Variants in HTR1F observed in about 807,000 individuals in gnomAD.
The protein encoded by HTR1F is 5-hydroxytryptamine (serotonin) receptor 1F, G protein-coupled.
HTR1F carries 17 observed loss-of-function variants against 24.0 expected under a neutral mutation model. That is an observed-to-expected ratio of 0.71 (90% CI 0.48 to 1.06). HTR1F has a LOEUF of 1.06. HTR1F is among the 50% of genes least tolerant of loss of function. The probability of loss-of-function intolerance (pLI) is 0.00; values close to 1 mark genes in which losing one functional copy is unlikely to be tolerated. For synonymous variants in HTR1F, 186 were observed against 156.8 expected, an observed-to-expected ratio of 1.19 and a Z score of -1.39; for missense variants, 391 against 427.8, an observed-to-expected ratio of 0.91 and a Z score of 0.76.
chr3:87,980,499 G>C (rs182188290), intron 2 of HTR1F, among the ~76,000 whole-genome samples: 1 of 152,300 alleles, frequency 6.6e-6, no homozygotes, highest in East Asian at 1.9e-4. Context: ...CCATGGGTGG[G>C]CCTGGAAAAA....
chr3:87,930,900 T>A (rs750559600), intron 2 of HTR1F, among the ~76,000 whole-genome samples: 1 of 152,138 alleles, frequency 6.6e-6, no homozygotes, highest in Non-Finnish European at 1.5e-5. Flanking sequence ...AACAGAATTA[T>A]ATTACACACT....
chr3:87,829,014 T>A lies in HTR1F; in HGVS notation c.-43+6890T>A, dbSNP rs188357542. ...ATTTCTAGGGTGGACAAGTAATTTT[T>A]AAAAATTTATTGTGGCAAAGTCAGC... On this transcript the variant is annotated intron_variant, in intron 2 of 2. Coordinates refer to ENST00000319595, the MANE Select transcript of HTR1F (RefSeq NM_001322209.2). 1.3e-3 allele frequency among the ~76,000 whole-genome samples: 194 copies of A among 149,680 alleles called. 1 individual carries two copies. The highest frequency in any genetic ancestry group is 8.2e-3 in the East Asian group (42 of 5,104).
chr3:87,911,153 A>C (rs1487560445), intron 2 of HTR1F, among the ~76,000 whole-genome samples: 1 of 152,054 alleles, frequency 6.6e-6, no homozygotes, highest in Non-Finnish European at 1.5e-5. Context: ...GACACAAAAA[A>C]ACACTCGAAA....
chr3:87,922,677 T>C (rs1056205378), intron 2 of HTR1F, among the ~76,000 whole-genome samples: 5 of 151,972 alleles, frequency 3.3e-5, no homozygotes, highest in South Asian at 2.1e-4. Flanking sequence ...AAGTCTTCAA[T>C]GCATTTTGAG....
intron 2 of HTR1F, among the ~76,000 whole-genome samples, chr3:87,846,762 A>C (rs904898693): frequency 2.0e-5 from 3 of 151,962 alleles, no homozygotes; most frequent in Admixed American, 6.6e-5. Context: ...GTTTAAGTAC[A>C]AATTCTTTAA....
intron 2 of HTR1F, among the ~76,000 whole-genome samples, chr3:87,890,454 A>G (rs575451537): frequency 1.3e-5 from 2 of 152,314 alleles, no homozygotes; most frequent in African/African-American, 4.8e-5. Context: ...TTGCAAAACA[A>G]GAAACAAATA....
chr3:87,860,697 T>A (rs901735230), intron 2 of HTR1F, among the ~76,000 whole-genome samples: 2 of 152,200 alleles, frequency 1.3e-5, no homozygotes, highest in African/African-American at 2.4e-5. Flanking sequence ...TGAATTCATC[T>A]CAGTCATAGT....
intron 2 of HTR1F, among the ~76,000 whole-genome samples, chr3:87,924,975 T>A (rs575547589): frequency 6.6e-6 from 1 of 150,658 alleles, no homozygotes; most frequent in African/African-American, 2.4e-5. Flanking sequence ...CTTTCTTAAA[T>A]TTTTTTTTTA....
chr3:87,832,636 C>T (rs1458448212), intron 2 of HTR1F, among the ~76,000 whole-genome samples: 2 of 152,102 alleles, frequency 1.3e-5, no homozygotes, highest in African/African-American at 4.8e-5. Flanking sequence ...CCAGAATACC[C>T]CTTCTTGTAA....
At chr3:87,918,261 A>G (rs1211985262) in intron 2 of HTR1F, among the ~76,000 whole-genome samples, 7 of 152,066 alleles carry the variant, frequency 4.6e-5, no homozygotes, top group Admixed American at 4.6e-4. Flanking sequence ...CACAGTCAAC[A>G]TATACTGAAA....
At chr3:87,797,465 A>C (rs547042256) in intron 1 of HTR1F, among the ~76,000 whole-genome samples, 44 of 152,384 alleles carry the variant, frequency 2.9e-4, no homozygotes, top group Non-Finnish European at 5.0e-4. Flanking sequence ...AGAACAAATC[A>C]AAATGAGCCT....
At chr3:87,858,951 C>G (rs12490277) in intron 2 of HTR1F, among the ~76,000 whole-genome samples, 1 of 151,908 alleles carries the variant, frequency 6.6e-6, no homozygotes, top group Non-Finnish European at 1.5e-5. Flanking sequence ...ATCCCAGCAC[C>G]TTGGGAGGCC....
At chr3:87,906,474 C>T (rs1703669899) in intron 2 of HTR1F, among the ~76,000 whole-genome samples, 1 of 151,930 alleles carries the variant, frequency 6.6e-6, no homozygotes, top group Non-Finnish European at 1.5e-5. Context: ...TTGACAGTCT[C>T]CTGATAAATA....
chr3:87,936,517 AT>A (rs1704422138), intron 2 of HTR1F, among the ~76,000 whole-genome samples: 3 of 152,334 alleles, frequency 2.0e-5, no homozygotes, highest in Admixed American at 2.0e-4. Flanking sequence ...AAATGAATAA[AT>A]AAATTAGAAA....
At chr3:87,797,063 GA>G (rs2107055317) in intron 1 of HTR1F, among the ~76,000 whole-genome samples, 1 of 152,232 alleles carries the variant, frequency 6.6e-6, no homozygotes, top group South Asian at 2.1e-4. Flanking sequence ...ATGTTAAATG[GA>G]AAATTTCAGA....
intron 2 of HTR1F, among the ~76,000 whole-genome samples, chr3:87,911,370 G>T (rs1703775887): frequency 6.6e-6 from 1 of 151,928 alleles, no homozygotes; most frequent in South Asian, 2.1e-4. Context: ...ACCTAGAAAA[G>T]ATGGATAAAT....
At chr3:87,815,789 G>C (rs904221127) in intron 1 of HTR1F, among the ~76,000 whole-genome samples, 2 of 152,030 alleles carry the variant, frequency 1.3e-5, no homozygotes, top group Non-Finnish European at 2.9e-5. Context: ...TCTTCATATA[G>C]CATATGGTAA....
intron 2 of HTR1F, among the ~76,000 whole-genome samples, chr3:87,980,234 G>T (rs1705511539): frequency 6.6e-6 from 1 of 152,122 alleles, no homozygotes; most frequent in African/African-American, 2.4e-5. Context: ...ACCTGGAGTG[G>T]GTAGCTCCTA....
rs373392741 is a variant in HTR1F, at chr3:87,975,755, G to A, written c.-42-14953G>A. On this transcript the variant is annotated intron_variant, in intron 2 of 2. Transcript: ENST00000319595. The stretch of plus-strand genomic sequence containing the variant: ...CTGCCTGCCTTATCCAAGTTTAAAA[G>A]GTAAGTTTTTCCTCATATTTTAGTT... 2.0e-5 allele frequency among the ~76,000 whole-genome samples: 3 copies of A among 152,178 alleles called. No homozygotes were observed. In the East Asian group the frequency reaches 5.8e-4, roughly 29 times the overall value.
Sources: allele counts gnomAD v4.1 joint callset (sites outside exome capture counted in the v4.1 genomes callset), GRCh38; gene constraint gnomAD v4.1.1; transcripts MANE v1.5; gene names NCBI Gene and HGNC (gene_info 2026-07-23, HGNC 2026-07-21).